Variants in MTNAP1 observed in about 807,000 individuals in gnomAD.
MTNAP1 encodes the protein mitochondrial nucleoid-associated protein 1.
the MTNAP1 span, among the ~76,000 whole-genome samples, chr17:73,234,970 C>CT: frequency 6.6e-6 from 1 of 152,094 alleles, no homozygotes; most frequent in Admixed American, 6.6e-5. Context: ...AATCTCAGCA[C>CT]TTTAGGGGGC....
chr17:73,238,379 G>A, the MTNAP1 span, among the ~76,000 whole-genome samples: 2 of 152,166 alleles, frequency 1.3e-5, no homozygotes, highest in Non-Finnish European at 2.9e-5. Context: ...AGGTTTGCAA[G>A]AGAAAAACTG....
the MTNAP1 span, chr17:73,242,195 G>C: frequency 4.8e-6 from 6 of 1,255,922 alleles, no homozygotes; most frequent in African/African-American, 4.6e-5. Flanking sequence ...GTTAGGGAAG[G>C]GGGTACGTTT....
At chr17:73,248,622 T>A in the MTNAP1 span, 4 of 1,336,804 alleles carry the variant, frequency 3.0e-6, no homozygotes, top group Non-Finnish European at 4.2e-6. Flanking sequence ...AGAGGCATGG[T>A]GACACCCAGG....
chr17:73,238,486 G>A, the MTNAP1 span, among the ~76,000 whole-genome samples: 1 of 152,186 alleles, frequency 6.6e-6, no homozygotes, highest in African/African-American at 2.4e-5. Flanking sequence ...GTCTCAAAAT[G>A]GATGTGTACT....
the MTNAP1 span, chr17:73,236,014 A>G: frequency 5.6e-6 from 9 of 1,614,212 alleles, no homozygotes; most frequent in Admixed American, 5.0e-5. Flanking sequence ...GGTTGGCTCA[A>G]TAGAACCTTC....
chr17:73,245,831 T>C, the MTNAP1 span: 1 of 601,634 alleles, frequency 1.7e-6, no homozygotes, highest in African/African-American at 2.0e-5. Flanking sequence ...TTGAGTATAA[T>C]AATGAACCGG....
At chr17:73,236,408 G>T in the MTNAP1 span, 3 of 1,614,122 alleles carry the variant, frequency 1.9e-6, no homozygotes, top group South Asian at 3.3e-5. Context: ...ACGTGTGGGA[G>T]CAAAGGAAAT....
chr17:73,248,539 G>A, the MTNAP1 span: 1 of 1,551,610 alleles, frequency 6.4e-7, no homozygotes, highest in Non-Finnish European at 8.7e-7. Flanking sequence ...GAATCTTCCT[G>A]CAAGGTGCAT....
chr17:73,243,093 T>TTTTTG, the MTNAP1 span: 6 of 991,214 alleles, frequency 6.1e-6, no homozygotes, highest in African/African-American at 5.1e-5. Context: ...TTTTTTTTTT[T>TTTTTG]TTTTTTTTAC....
chr17:73,243,720 G>C, the MTNAP1 span, among the ~76,000 whole-genome samples: 1 of 151,988 alleles, frequency 6.6e-6, no homozygotes, highest in South Asian at 2.1e-4. Context: ...TTTTAGTAGA[G>C]ACAGGGTTTT....
chr17:73,235,353 C>G, the MTNAP1 span: 17 of 798,278 alleles, frequency 2.1e-5, no homozygotes, highest in South Asian at 3.7e-4. Flanking sequence ...AGTTGACTTG[C>G]TGTAACCGTA....
At chr17:73,247,218 T>C in the MTNAP1 span, 1 of 1,606,618 alleles carries the variant, frequency 6.2e-7, no homozygotes, top group Non-Finnish European at 8.5e-7. Context: ...AAGCTGAAAA[T>C]ATTTACTATC....
At chr17:73,232,795 TC>T in the MTNAP1 span, 43 of 154,332 alleles carry the variant, frequency 2.8e-4, no homozygotes, top group African/African-American at 8.7e-4. Context: ...TGGGGGAGAC[TC>T]TCCTGAGCGG....
the MTNAP1 span, chr17:73,233,324 G>A: frequency 2.0e-5 from 3 of 152,184 alleles, no homozygotes; most frequent in African/African-American, 7.2e-5. Context: ...GGAGGAGCTC[G>A]GGTAAGAAAA....
the MTNAP1 span, among the ~76,000 whole-genome samples, chr17:73,239,235 C>T: frequency 1.3e-5 from 2 of 152,014 alleles, no homozygotes; most frequent in Admixed American, 1.3e-4. Flanking sequence ...CGTGTCCAGC[C>T]TTCTGTGTTT....
the MTNAP1 span, among the ~76,000 whole-genome samples, chr17:73,238,561 C>T: frequency 2.0e-5 from 3 of 152,194 alleles, no homozygotes; most frequent in African/African-American, 4.8e-5. Flanking sequence ...ACAGGCCTAA[C>T]GTCTAGACCT....
the MTNAP1 span, chr17:73,236,845 ACT>A: frequency 1.9e-6 from 3 of 1,613,716 alleles, no homozygotes; most frequent in South Asian, 1.1e-5. Flanking sequence ...TGGCAGGAAG[ACT>A]CTTCGCAGCT....
chr17:73,244,518 G>A, the MTNAP1 span: 11 of 127,690 alleles, frequency 8.6e-5, no homozygotes, highest in East Asian at 2.5e-4. Flanking sequence ...AGCCGAGATC[G>A]CGCCACTACT....
At chr17:73,234,624 GA>G in the MTNAP1 span, among the ~76,000 whole-genome samples, 1 of 150,734 alleles carries the variant, frequency 6.6e-6, no homozygotes, top group Admixed American at 6.6e-5. Flanking sequence ...CTGGGAAATG[GA>G]GGTTTCAGTG....
Sources: allele counts gnomAD v4.1 joint callset (sites outside exome capture counted in the v4.1 genomes callset), GRCh38; gene constraint gnomAD v4.1.1; transcripts MANE v1.5; gene names NCBI Gene and HGNC (gene_info 2026-07-23, HGNC 2026-07-21).